The following LINGO2 variants were observed in gnomAD, a reference collection of about 807,000 sequenced individuals.
LINGO2 encodes the protein leucine-rich repeat and immunoglobulin-like domain-containing nogo receptor-interacting protein 2.
In LINGO2, 14 loss-of-function variants were observed where a neutral mutation model predicts 30.6. The ratio of observed to expected loss-of-function variants is 0.46; its 90% CI spans 0.30 to 0.72. The LOEUF (loss-of-function observed/expected upper bound fraction) is 0.72. Among genes scored for constraint, LINGO2 ranks in the 30% least tolerant of loss-of-function variants. The pLI, the probability that LINGO2 is intolerant of heterozygous loss-of-function variation, is 0.07. For missense variants in LINGO2, 729 were observed against 751.7 expected (o/e 0.97, Z 0.35); for synonymous variants, 317 against 288.5 (o/e 1.10, Z -1.00).
At chr9:28,222,967 A>G (rs1821018937) in intron 4 of LINGO2, among the ~76,000 whole-genome samples, 1 of 152,184 alleles carries the variant, frequency 6.6e-6, no homozygotes, top group Admixed American at 6.5e-5. Flanking sequence ...ATATTTCTAA[A>G]GAACAAGAAT....
At chr9:28,051,982 T>C (rs1824698426) in intron 4 of LINGO2, among the ~76,000 whole-genome samples, 1 of 152,026 alleles carries the variant, frequency 6.6e-6, no homozygotes, top group South Asian at 2.1e-4. Context: ...TTGCCTCAAA[T>C]TCCAACTGTC....
At chr9:29,141,832 G>C in the LINGO2 span, among the ~76,000 whole-genome samples, 2 of 151,786 alleles carry the variant, frequency 1.3e-5, no homozygotes, top group African/African-American at 4.8e-5. Context: ...ATGATAAAAA[G>C]CCAATTCATC....
the LINGO2 span, among the ~76,000 whole-genome samples, chr9:28,763,475 A>G: frequency 6.6e-6 from 1 of 152,012 alleles, no homozygotes; most frequent in Non-Finnish European, 1.5e-5. Context: ...GAATTTAGAA[A>G]ATATCTCAAG....
At chr9:28,648,703 G>T (rs1049000427) in intron 1 of LINGO2, among the ~76,000 whole-genome samples, 1 of 151,926 alleles carries the variant, frequency 6.6e-6, no homozygotes, top group East Asian at 1.9e-4. Flanking sequence ...ACAAGTCTTA[G>T]TACTCTTAGT....
intron 1 of LINGO2, among the ~76,000 whole-genome samples, chr9:28,570,728 G>A (rs754542183): frequency 6.6e-6 from 1 of 151,638 alleles, no homozygotes; most frequent in Non-Finnish European, 1.5e-5. Flanking sequence ...GTCTTTTTTG[G>A]ATTTAGCATT....
chr9:28,556,484 A>G (rs977151298), intron 1 of LINGO2, among the ~76,000 whole-genome samples: 2 of 152,134 alleles, frequency 1.3e-5, no homozygotes, highest in African/African-American at 2.4e-5. Flanking sequence ...CCACTGCTCA[A>G]CGACATAAAA....
chr9:28,312,155 C>CTTTTTTTTT lies in LINGO2; in HGVS notation c.-245-16790_-245-16789insAAAAAAAAA, dbSNP rs72304845. Among the ~76,000 whole-genome samples the CTTTTTTTTT allele has an allele frequency of 8.2e-4, 118 of 143,294 alleles. 2 individuals carry two copies. Among genetic ancestry groups the CTTTTTTTTT allele is most frequent in the African/African-American group, 2.6e-3 (105 of 39,678 alleles). 94.0% of individuals were successfully genotyped at this position (143,294 alleles called of 152,430 possible). ...AGATGTTTTAGATGTTTTCTTTTTT[C>CTTTTTTTTT]TTTTTTTTGTATCCAGATACCAATA... is the stretch of plus-strand genomic sequence containing the variant. On this transcript the variant is annotated intron_variant, in intron 3 of 5. Coordinates refer to ENST00000379992, the Ensembl canonical transcript of LINGO2.
At chr9:29,024,178 T>A in the LINGO2 span, among the ~76,000 whole-genome samples, 3 of 152,108 alleles carry the variant, frequency 2.0e-5, no homozygotes, top group African/African-American at 7.2e-5. Context: ...TCTGATCATA[T>A]AAATTTTCGT....
the LINGO2 span, among the ~76,000 whole-genome samples, chr9:29,176,029 G>A: frequency 6.0e-4 from 87 of 146,096 alleles, no homozygotes; most frequent in African/African-American, 2.1e-3. Flanking sequence ...CTGGCACCAA[G>A]TCCTCGATCT....
At chr9:28,228,659 G>A (rs765784923) in intron 4 of LINGO2, among the ~76,000 whole-genome samples, 14 of 151,816 alleles carry the variant, frequency 9.2e-5, no homozygotes, top group Non-Finnish European at 2.1e-4. Context: ...AGAGAGATAT[G>A]TTATAAAATG....
chr9:29,193,906 G>A, the LINGO2 span, among the ~76,000 whole-genome samples: 1 of 152,172 alleles, frequency 6.6e-6, no homozygotes, highest in Non-Finnish European at 1.5e-5. Context: ...CAATTCTACT[G>A]CAGGCTTGTG....
chr9:28,752,512 A>G, the LINGO2 span, among the ~76,000 whole-genome samples: 1 of 152,194 alleles, frequency 6.6e-6, no homozygotes, highest in Non-Finnish European at 1.5e-5. Flanking sequence ...ACATGTTTCT[A>G]AATATTGGCA....
intron 1 of LINGO2, among the ~76,000 whole-genome samples, chr9:28,620,768 C>G (rs1309673047): frequency 6.6e-6 from 1 of 151,932 alleles, no homozygotes; most frequent in Non-Finnish European, 1.5e-5. Context: ...TAAGTGGGAG[C>G]TAAATGATGA....
chr9:28,709,538 A>G, the LINGO2 span, among the ~76,000 whole-genome samples: 1 of 152,062 alleles, frequency 6.6e-6, no homozygotes, highest in Non-Finnish European at 1.5e-5. Flanking sequence ...TCAAAATTTT[A>G]CTTCAAATCA....
chr9:28,190,203 T>C (rs1406608782), intron 4 of LINGO2, among the ~76,000 whole-genome samples: 5 of 152,160 alleles, frequency 3.3e-5, no homozygotes, highest in Admixed American at 2.6e-4. Context: ...GTTTTGTCCA[T>C]AAATGGGCTT....
chr9:28,210,976 T>G (rs1037115132), intron 4 of LINGO2, among the ~76,000 whole-genome samples: 7 of 151,622 alleles, frequency 4.6e-5, no homozygotes, highest in African/African-American at 1.4e-4. Flanking sequence ...TTCTATTCAT[T>G]CGAAATGATG....
the LINGO2 span, among the ~76,000 whole-genome samples, chr9:28,992,960 A>G: frequency 9.9e-5 from 15 of 151,264 alleles, no homozygotes; most frequent in African/African-American, 1.7e-4. Context: ...AAGAACTAGA[A>G]AAGCAAGAGC....
At chr9:28,604,329 T>G (rs2135757384) in intron 1 of LINGO2, among the ~76,000 whole-genome samples, 1 of 152,148 alleles carries the variant, frequency 6.6e-6, no homozygotes, top group Middle Eastern at 3.4e-3. Context: ...AAATTAACTG[T>G]GTCCAAAGAC....
chr9:28,787,674 C>A, the LINGO2 span, among the ~76,000 whole-genome samples: 1 of 151,948 alleles, frequency 6.6e-6, no homozygotes, highest in Non-Finnish European at 1.5e-5. Context: ...TATGATTATT[C>A]CTAACACCAC....
Sources: allele counts gnomAD v4.1 joint callset (sites outside exome capture counted in the v4.1 genomes callset), GRCh38; gene constraint gnomAD v4.1.1; transcripts MANE v1.5; gene names NCBI Gene and HGNC (gene_info 2026-07-23, HGNC 2026-07-21).